Variants in FMNL2 observed in about 807,000 individuals in gnomAD.
FMNL2 encodes the protein formin like 2, also known as formin-like protein 2.
A neutral mutation model predicts 130.2 loss-of-function variants in FMNL2; 51 were observed. The observed-to-expected ratio is 0.39, with a 90% CI of 0.31 to 0.49. FMNL2 has a LOEUF of 0.49. Among genes scored for constraint, FMNL2 ranks in the 20% least tolerant of loss-of-function variants. The pLI is 0.85. For synonymous variants in FMNL2, 465 were observed against 467.1 expected, an observed-to-expected ratio of 1.00 and a Z score of 0.06; for missense variants, 977 against 1,316.2, an observed-to-expected ratio of 0.74 and a Z score of 3.99.
At position 152,640,892 on chromosome 2, in the gene FMNL2, T is replaced by C. The variant is rs750522400; in HGVS notation, c.3147T>C (p.Gly1049=). The C allele has an allele frequency of 1.2e-6, 2 of 1,613,860 alleles. No homozygotes were observed. Among genetic ancestry groups the C allele is most frequent in the Admixed American group, 3.3e-5 (2 of 60,018 alleles). Reference sequence around the variant, plus strand: ...GACATGTATATGAGGGAAAAGATGGTGCCATTGAAGATATTATCACAGGTA... The same window carrying C: ...GACATGTATATGAGGGAAAAGATGGCGCCATTGAAGATATTATCACAGGTA... ...DNRHVYEGKD[G]AIEDIITDLR... is the part of the protein sequence containing the mutation. The change falls in exon 25 of 26, where the codon GGT becomes GGC. Residue 1049 remains glycine (G), a synonymous_variant. Coordinates refer to ENST00000288670, the MANE Select transcript of FMNL2 (RefSeq NM_052905.4).
Position 152,373,625 on chromosome 2 carries a change from C to T in FMNL2, c.117+37905C>T, listed in dbSNP as rs115632141. Among the ~76,000 whole-genome samples, 368 of 152,274 alleles carry T rather than the reference C, an allele frequency of 2.4e-3. 2 individuals are homozygous for T. Among genetic ancestry groups the T allele is most frequent in the African/African-American group, 8.3e-3 (346 of 41,550 alleles). ...TATAGATTATCTATAATTCCTAACG[C>T]AATGTCTACACATCACTTCATTCTT... On this transcript the variant is annotated intron_variant, in intron 1 of 25. Coordinates refer to ENST00000288670, the MANE Select transcript of FMNL2 (RefSeq NM_052905.4).
chr2:152,411,437 C>A (rs1686287374), intron 1 of FMNL2, among the ~76,000 whole-genome samples: 1 of 152,162 alleles, frequency 6.6e-6, no homozygotes, highest in South Asian at 2.1e-4. Flanking sequence ...CATAGGCCAT[C>A]TTTGCTTATA....
intron 1 of FMNL2, among the ~76,000 whole-genome samples, chr2:152,499,775 T>A (rs1228652893): frequency 2.6e-5 from 4 of 152,238 alleles, no homozygotes; most frequent in African/African-American, 9.6e-5. Flanking sequence ...AAGCCTAGAA[T>A]AAGTATGATC....
rs868413301 is a variant in FMNL2 at position 152,376,337 on chromosome 2, T to C, written c.117+40617T>C. On this transcript the variant is annotated intron_variant, in intron 1 of 25. Transcript: ENST00000288670. ...GAGCATTCTTATACACGTTTTTGTG[T>C]GGACATATGTTTTCTTAGGAGCTAC... Among the ~76,000 whole-genome samples the C allele has an allele frequency of 7.2e-5, 11 of 152,368 alleles. 1 individual carries two copies. In the South Asian group the frequency reaches 2.3e-3, roughly 32 times the overall value.
At chr2:152,594,192 T>G (rs1288158659) in intron 9 of FMNL2, among the ~76,000 whole-genome samples, 2 of 152,190 alleles carry the variant, frequency 1.3e-5, no homozygotes, top group East Asian at 3.9e-4. Context: ...GTCTACAATT[T>G]TATGATTCTA....
At chr2:152,549,906 A>T (rs762548660) in intron 4 of FMNL2, among the ~76,000 whole-genome samples, 1 of 152,218 alleles carries the variant, frequency 6.6e-6, no homozygotes, top group Non-Finnish European at 1.5e-5. Context: ...CTTTACAATG[A>T]GAGGACTATC....
At chr2:152,348,767 G>A (rs1227119435) in intron 1 of FMNL2, among the ~76,000 whole-genome samples, 1 of 147,628 alleles carries the variant, frequency 6.8e-6, no homozygotes. Context: ...TGGCATGTTA[G>A]TGCTTTGCTG....
intron 1 of FMNL2, among the ~76,000 whole-genome samples, chr2:152,344,087 G>A (rs1030216838): frequency 2.6e-5 from 4 of 152,148 alleles, no homozygotes; most frequent in Non-Finnish European, 5.9e-5. Context: ...AGAAGTTTGA[G>A]GTTGCAGTGA....
chr2:152,437,367 G>A (rs1383909271), intron 1 of FMNL2, among the ~76,000 whole-genome samples: 2 of 152,124 alleles, frequency 1.3e-5, no homozygotes, highest in Admixed American at 6.6e-5. Flanking sequence ...ATGCCTGTTT[G>A]CATAGCTTGT....
chr2:152,424,915 T>A (rs913653898), intron 1 of FMNL2, among the ~76,000 whole-genome samples: 1 of 152,238 alleles, frequency 6.6e-6, no homozygotes, highest in African/African-American at 2.4e-5. Flanking sequence ...AACACATTAG[T>A]TGCCCATAGG....
intron 21 of FMNL2, 81 bp downstream of exon 21, chr2:152,632,218 T>C (rs562239068): frequency 6.6e-7 from 1 of 1,522,424 alleles, no homozygotes; most frequent in Admixed American, 2.1e-5. Flanking sequence ...GCTTAAACAC[T>C]TTTCAGAACC....
intron 1 of FMNL2, among the ~76,000 whole-genome samples, chr2:152,403,907 A>G (rs954831498): frequency 2.0e-5 from 3 of 152,142 alleles, no homozygotes; most frequent in Non-Finnish European, 2.9e-5. Context: ...CTCTCTACTA[A>G]AAATGCAAAA....
At chr2:152,589,659 A>G (rs1697275564) in intron 9 of FMNL2, among the ~76,000 whole-genome samples, 1 of 152,156 alleles carries the variant, frequency 6.6e-6, no homozygotes, top group Admixed American at 6.5e-5. Context: ...TGATCAGAAA[A>G]TCGGAGTCAA....
chr2:152,510,456 T>A (rs975248128), intron 1 of FMNL2, among the ~76,000 whole-genome samples: 4 of 152,348 alleles, frequency 2.6e-5, no homozygotes, highest in Non-Finnish European at 5.9e-5. Context: ...GTTGAGTTGC[T>A]CTTATGTCAG....
intron 2 of FMNL2, among the ~76,000 whole-genome samples, chr2:152,532,098 A>G (rs1693731080): frequency 6.6e-6 from 1 of 152,194 alleles, no homozygotes; most frequent in Non-Finnish European, 1.5e-5. Context: ...TTGAAATAGT[A>G]AAACTAAGGT....
intron 1 of FMNL2, among the ~76,000 whole-genome samples, chr2:152,450,197 A>G (rs564137522): frequency 6.6e-6 from 1 of 152,378 alleles, no homozygotes; most frequent in African/African-American, 2.4e-5. Flanking sequence ...AACCAAATGC[A>G]TAAAGCCTGT....
At chr2:152,462,401 A>G (rs1403144413) in intron 1 of FMNL2, among the ~76,000 whole-genome samples, 2 of 151,998 alleles carry the variant, frequency 1.3e-5, no homozygotes, top group African/African-American at 4.8e-5. Context: ...TTATAGGGGG[A>G]TTTTTAAAAA....
At chr2:152,578,835 C>A in intron 7 of FMNL2, 53 bp from the exon 8 acceptor site, 1 of 1,495,602 alleles carries the variant, frequency 6.7e-7, no homozygotes, top group East Asian at 2.3e-5. Flanking sequence ...TGACAGTTCC[C>A]TAACTTGTCT....
At chr2:152,399,134 G>A (rs563660984) in intron 1 of FMNL2, among the ~76,000 whole-genome samples, 1 of 152,352 alleles carries the variant, frequency 6.6e-6, no homozygotes, top group South Asian at 2.1e-4. Context: ...CCCTGAGCTG[G>A]TGCTGGGATC....
Sources: gnomAD v4.1 joint callset for allele counts (sites outside exome capture counted in the v4.1 genomes callset) on GRCh38, gnomAD v4.1.1 for gene constraint, MANE v1.5 for transcripts, NCBI Gene and HGNC (gene_info 2026-07-23, HGNC 2026-07-21) for gene names.